The following RYR3 variants were observed in gnomAD, a reference collection of about 807,000 sequenced individuals.
The protein encoded by RYR3 is brain ryanodine receptor-calcium release channel.
A neutral mutation model predicts 584.3 loss-of-function variants in RYR3; 207 were observed. The ratio of observed to expected loss-of-function variants is 0.35; its 90% CI spans 0.32 to 0.40. RYR3 has a LOEUF of 0.40. Among genes scored for constraint, RYR3 ranks in the 10% least tolerant of loss-of-function variants. The pLI, the probability that RYR3 is intolerant of heterozygous loss-of-function variation, is 1.00. For synonymous variants in RYR3, 2,416 were observed against 2,248.5 expected, an observed-to-expected ratio of 1.07 and a Z score of -2.11; for missense variants, 5,616 against 6,089.2, an observed-to-expected ratio of 0.92 and a Z score of 2.59.
intron 2 of RYR3, among the ~76,000 whole-genome samples, chr15:33,502,793 C>A (rs1163377585): frequency 2.0e-5 from 3 of 152,134 alleles, no homozygotes; most frequent in Non-Finnish European, 2.9e-5. Flanking sequence ...CCAAATGTAA[C>A]CCTTGGGCAG....
chr15:33,435,347 C>T (rs934535588), intron 1 of RYR3, among the ~76,000 whole-genome samples: 32 of 152,086 alleles, frequency 2.1e-4, no homozygotes, highest in African/African-American at 7.5e-4. Flanking sequence ...GTGAGTTTCA[C>T]GTATAGTGAT....
At chr15:33,783,361 A>C (rs1357655085) in intron 65 of RYR3, among the ~76,000 whole-genome samples, 1 of 152,226 alleles carries the variant, frequency 6.6e-6, no homozygotes, top group Non-Finnish European at 1.5e-5. Context: ...GTCTGATTCT[A>C]AGAGGACACA....
intron 1 of RYR3, among the ~76,000 whole-genome samples, chr15:33,417,155 C>T (rs2043874698): frequency 6.6e-6 from 1 of 152,122 alleles, no homozygotes; most frequent in East Asian, 1.9e-4. Flanking sequence ...TTTGCTTAGG[C>T]TTGCCGTGGC....
Position 33,370,247 on chromosome 15 carries a change from G to A in RYR3, c.51+59151G>A, listed in dbSNP as rs180696162. 9.7e-4 allele frequency among the ~76,000 whole-genome samples: 148 copies of A among 152,302 alleles called. 1 individual carries two copies. The highest frequency in any genetic ancestry group is 9.3e-4 in the Non-Finnish European group (63 of 68,030). On this transcript the variant is annotated intron_variant, in intron 1 of 103. Transcript: ENST00000634891. ...AAGGCTATTATTTCCATCTGAGCAG[G>A]TTTGAGTAGGTAGAGCCCTTTCCTC...
intron 57 of RYR3, among the ~76,000 whole-genome samples, chr15:33,753,082 AT>A (rs939531088): frequency 6.6e-6 from 1 of 152,024 alleles, no homozygotes; most frequent in Non-Finnish European, 1.5e-5. Flanking sequence ...TACCCTAGAT[AT>A]TTTTCAAATT....
chr15:33,579,617 T>C (rs2058491978), intron 12 of RYR3, among the ~76,000 whole-genome samples: 1 of 152,172 alleles, frequency 6.6e-6, no homozygotes, highest in Admixed American at 6.5e-5. Context: ...ACAGTTGAAA[T>C]TACCTCTTTA....
At chr15:33,487,250 T>C (rs1457274500) in intron 2 of RYR3, among the ~76,000 whole-genome samples, 1 of 148,380 alleles carries the variant, frequency 6.7e-6, no homozygotes, top group African/African-American at 2.5e-5. Context: ...GATCCCGGAG[T>C]AGGCATTCCA....
At chr15:33,660,559 T>G in intron 34 of RYR3, 136 bp downstream of exon 34, 1 of 598,732 alleles carries the variant, frequency 1.7e-6, no homozygotes, top group Non-Finnish European at 2.9e-6. Context: ...CCCCAGTGCC[T>G]CAGTTTCTAT....
rs772448988 is a variant in RYR3 at position 33,662,421 on chromosome 15, A to T, written c.4891A>T (p.Ile1631Phe). 6.2e-7 allele frequency: 1 copy of T among 1,613,954 alleles called. No individual in the cohort carries two copies. Among genetic ancestry groups the T allele is most frequent in the East Asian group, 2.2e-5 (1 of 44,880 alleles). Residue 1631 changes from isoleucine (I) to phenylalanine (F), a missense_variant, in exon 35 of 104, where the codon ATC becomes TTC. Transcript: ENST00000634891. ...RKLMMKNEYI[I>F]PITSTTRNIR... ...GCTGATGATGAAGAACGAGTACATC[A>T]TCCCCATTACCAGCACCACCAGGAA...
At chr15:33,558,710 C>A (rs533209469) in intron 10 of RYR3, among the ~76,000 whole-genome samples, 1 of 152,246 alleles carries the variant, frequency 6.6e-6, no homozygotes, top group South Asian at 2.1e-4. Context: ...TGGCAGGGGG[C>A]AGCTAGTATA....
At chr15:33,484,066 G>A (rs2050200024) in intron 2 of RYR3, among the ~76,000 whole-genome samples, 1 of 152,002 alleles carries the variant, frequency 6.6e-6, no homozygotes, top group Non-Finnish European at 1.5e-5. Context: ...ATGTATCATT[G>A]TTATTGGCAA....
intron 36 of RYR3, among the ~76,000 whole-genome samples, chr15:33,665,753 T>G (rs2063461161): frequency 6.6e-6 from 1 of 152,260 alleles, no homozygotes; most frequent in Non-Finnish European, 1.5e-5. Context: ...ACAGCATACC[T>G]GTGCATTTGG....
At chr15:33,528,705 G>A (rs2141028214) in intron 3 of RYR3, among the ~76,000 whole-genome samples, 1 of 152,318 alleles carries the variant, frequency 6.6e-6, no homozygotes, top group African/African-American at 2.4e-5. Context: ...TCAGTAGTGT[G>A]TGCCCAATGG....
intron 3 of RYR3, among the ~76,000 whole-genome samples, chr15:33,515,762 A>T (rs948468350): frequency 1.3e-5 from 2 of 152,238 alleles, no homozygotes; most frequent in Admixed American, 6.5e-5. Flanking sequence ...TTGCAGGAAT[A>T]CAAAACATTC....
intron 69 of RYR3, among the ~76,000 whole-genome samples, chr15:33,804,780 TCTGAACAGTGACCTGTA>T (rs2076095194): frequency 6.6e-6 from 1 of 152,216 alleles, no homozygotes; most frequent in Admixed American, 6.5e-5. Flanking sequence ...TACTACCTGA[TCTGAACAGTGACCTGTA>T]CTTGCTTTTA....
At chr15:33,375,319 T>A (rs2040643130) in intron 1 of RYR3, among the ~76,000 whole-genome samples, 1 of 152,216 alleles carries the variant, frequency 6.6e-6, no homozygotes, top group African/African-American at 2.4e-5. Context: ...AAGTCCCCAG[T>A]GGTCTGCTGC....
chr15:33,465,627 G>A (rs553268194), intron 1 of RYR3: 15 of 482,006 alleles, frequency 3.1e-5, no homozygotes, highest in South Asian at 1.1e-4. Context: ...CTTTCAAGTC[G>A]TGAAATGATG....
At chr15:33,778,787 A>G (rs1278597674) in intron 64 of RYR3, among the ~76,000 whole-genome samples, 1 of 152,186 alleles carries the variant, frequency 6.6e-6, no homozygotes, top group Non-Finnish European at 1.5e-5. Flanking sequence ...GCAGTCAAAC[A>G]TTTATCCAAA....
chr15:33,817,645 C>T (rs139885116), intron 75 of RYR3, among the ~76,000 whole-genome samples: 2 of 152,222 alleles, frequency 1.3e-5, no homozygotes, highest in African/African-American at 2.4e-5. Flanking sequence ...TCTATCTTTC[C>T]CTGTCACCCT....
Sources: allele counts gnomAD v4.1 joint callset (sites outside exome capture counted in the v4.1 genomes callset), GRCh38; gene constraint gnomAD v4.1.1; transcripts MANE v1.5; gene names NCBI Gene and HGNC (gene_info 2026-07-23, HGNC 2026-07-21).